The following OPN5 variants were observed in gnomAD, a reference collection of about 807,000 sequenced individuals.
OPN5 encodes the protein opsin 5, also known as opsin-5.
In OPN5, 18 loss-of-function variants were observed where a neutral mutation model predicts 41.7. The observed-to-expected ratio is 0.43, with a 90% CI of 0.30 to 0.64. OPN5 has a LOEUF of 0.64. OPN5 is among the 30% of genes least tolerant of loss of function. The probability of loss-of-function intolerance (pLI) is 0.13; values close to 1 mark genes in which losing one functional copy is unlikely to be tolerated. For synonymous variants in OPN5, 178 were observed against 164.3 expected (o/e 1.08, Z -0.64); for missense variants, 318 against 434.5 (o/e 0.73, Z 2.38).
intron 1 of OPN5, among the ~76,000 whole-genome samples, chr6:47,783,878 T>G (rs1773136474): frequency 6.6e-6 from 1 of 152,134 alleles, no homozygotes; most frequent in African/African-American, 2.4e-5. Context: ...AGGAATGAAT[T>G]AAAAAAGTAA....
intron 1 of OPN5, among the ~76,000 whole-genome samples, chr6:47,785,287 T>A (rs1261463549): frequency 6.6e-6 from 1 of 152,208 alleles, no homozygotes; most frequent in Non-Finnish European, 1.5e-5. Context: ...TTAGTTGGTT[T>A]GCTCTGGAAC....
intron 2 of OPN5, chr6:47,787,147 A>G (rs1295500950): frequency 3.1e-6 from 3 of 982,936 alleles, no homozygotes; most frequent in Non-Finnish European, 3.6e-6. Flanking sequence ...TGACTTAGTG[A>G]CATATCACAA....
exon 3 of OPN5, chr6:47,791,824 C>T: frequency 6.2e-7 from 1 of 1,614,126 alleles, no homozygotes; most frequent in Non-Finnish European, 8.5e-7. Flanking sequence ...CGTTCACCAT[C>T]ATCTCTTGCT....
At chr6:47,792,924 GC>G (rs1396551256) in intron 3 of OPN5, among the ~76,000 whole-genome samples, 1 of 149,884 alleles carries the variant, frequency 6.7e-6, no homozygotes, top group East Asian at 2.0e-4. Flanking sequence ...AAGAATCCAT[GC>G]TTGGGTGGGT....
chr6:47,825,743 A>AT (rs200303765), downstream of OPN5: 42 of 152,170 alleles, frequency 2.8e-4, no homozygotes, highest in East Asian at 7.7e-3. Context: ...CTATTCCCCT[A>AT]TTTTTTCTGT....
chr6:47,795,155 A>C, intron 3 of OPN5, 74 bp from the exon 4 acceptor site: 1 of 1,109,004 alleles, frequency 9.0e-7, no homozygotes, highest in Non-Finnish European at 1.3e-6. Context: ...TGGAGGTGGA[A>C]TTTGACATAT....
In OPN5 at chr6:47,795,651, G is replaced by A; in HGVS notation, c.756+88G>A. On this transcript the variant is annotated intron_variant, in intron 4 of 6. Transcript: ENST00000371211. ...GGATAGGGAACGTTGGAGACTGAGA[G>A]AACTTAGAATCTCTATTCTTTACGT... is the stretch of plus-strand genomic sequence containing the variant. 8.0e-6 allele frequency: 7 copies of A among 877,672 alleles called. 1 individual carries two copies. The highest frequency in any genetic ancestry group is 2.3e-4 in the Middle Eastern group (1 of 4,370). 54.4% of individuals were successfully genotyped at this position (877,672 alleles called of 1,614,324 possible).
intron 4 of OPN5, 34 bp from the exon 5 acceptor site, chr6:47,808,120 C>T: frequency 6.2e-7 from 1 of 1,612,500 alleles, no homozygotes; most frequent in Non-Finnish European, 8.5e-7. Flanking sequence ...TATCAGTCAT[C>T]TTGATTCTTT....
rs1561909860 is a variant in OPN5, at chr6:47,824,145, A to T, written c.*154A>T. The T allele has an allele frequency of 4.2e-5, 28 of 668,638 alleles. No individual in the cohort carries two copies. The East Asian group carries it at 6.8e-4, about 16-fold the overall frequency. 41.4% of individuals were successfully genotyped at this position (668,638 alleles called of 1,614,324 possible). A position where few individuals can be genotyped will look rare whatever the true frequency, so the allele number is the denominator to read the frequency against. On this transcript the variant is annotated 3_prime_UTR_variant, in exon 7 of 7. Coordinates refer to ENST00000371211, the Ensembl canonical transcript of OPN5. ...ATAATTCACAAGGAATATCAAAACA[A>T]TGATGCACCCTAGGAGTATCCAAGT...
intron 6 of OPN5, among the ~76,000 whole-genome samples, chr6:47,820,691 A>G (rs1341516127): frequency 6.6e-6 from 1 of 152,164 alleles, no homozygotes; most frequent in East Asian, 1.9e-4. Context: ...AGTGTTTCCT[A>G]TATAGGAAGC....
intron 4 of OPN5, among the ~76,000 whole-genome samples, chr6:47,795,886 A>G (rs566103359): frequency 1.5e-4 from 23 of 152,214 alleles, no homozygotes; most frequent in African/African-American, 4.6e-4. Flanking sequence ...GGTACTATTG[A>G]TTCATATTCA....
rs548325015 is a variant in OPN5, at chr6:47,801,210, G to A, written c.756+5647G>A. On this transcript the variant is annotated intron_variant, in intron 4 of 6. Coordinates refer to ENST00000371211, the Ensembl canonical transcript of OPN5. ...GTCCTGTTTGCCACTGGACCCTACA[G>A]CGTGGCACCTGCTAGCTGTTTAATC... 4.6e-5 allele frequency among the ~76,000 whole-genome samples: 7 copies of A among 152,318 alleles called. No homozygotes were observed. The East Asian group carries it at 9.6e-4, about 21-fold the overall frequency.
intron 1 of OPN5, among the ~76,000 whole-genome samples, chr6:47,784,486 C>T (rs187178952): frequency 8.5e-5 from 13 of 152,154 alleles, no homozygotes; most frequent in Admixed American, 2.0e-4. Flanking sequence ...TTAGTAGAGA[C>T]GGGGTTTCGC....
chr6:47,798,273 C>T (rs968806587), intron 4 of OPN5, among the ~76,000 whole-genome samples: 2 of 151,820 alleles, frequency 1.3e-5, no homozygotes, highest in Admixed American at 6.6e-5. Flanking sequence ...CAAAATTCAA[C>T]CCATATTGAA....
At chr6:47,808,060 A>T in intron 4 of OPN5, 94 bp from the exon 5 acceptor site, 1 of 1,161,916 alleles carries the variant, frequency 8.6e-7, no homozygotes, top group South Asian at 1.3e-5. Flanking sequence ...CTTGGCTGTG[A>T]GAGGTGACCT....
At chr6:47,784,791 T>G (rs1202494717) in intron 1 of OPN5, among the ~76,000 whole-genome samples, 1 of 152,214 alleles carries the variant, frequency 6.6e-6, no homozygotes, top group Non-Finnish European at 1.5e-5. Context: ...AAATACTGAG[T>G]TTATTAACAG....
chr6:47,809,163 C>T (rs1370505628), intron 5 of OPN5, among the ~76,000 whole-genome samples: 3 of 152,162 alleles, frequency 2.0e-5, no homozygotes, highest in African/African-American at 7.2e-5. Flanking sequence ...TGTGTCCACT[C>T]ATGGTCAGTA....
intron 4 of OPN5, among the ~76,000 whole-genome samples, chr6:47,806,777 G>A (rs112764191): frequency 2.0e-5 from 3 of 152,100 alleles, no homozygotes; most frequent in African/African-American, 7.2e-5. Flanking sequence ...TTCCTATACA[G>A]ACCTCTCACA....
intron 6 of OPN5, among the ~76,000 whole-genome samples, chr6:47,817,181 G>C (rs1039248057): frequency 2.6e-5 from 4 of 152,056 alleles, no homozygotes; most frequent in African/African-American, 9.7e-5. Flanking sequence ...AGTCATCATG[G>C]AGACATACTG....
Sources: allele counts gnomAD v4.1 joint callset (sites outside exome capture counted in the v4.1 genomes callset), GRCh38; gene constraint gnomAD v4.1.1; transcripts MANE v1.5; gene names NCBI Gene and HGNC (gene_info 2026-07-23, HGNC 2026-07-21).